The following CTNNA3 variants were observed in gnomAD, a reference collection of about 807,000 sequenced individuals.
CTNNA3 encodes the protein catenin alpha 3.
Under a neutral mutation model 95.7 loss-of-function variants are expected in CTNNA3, and 76 were observed. The ratio of observed to expected loss-of-function variants is 0.79; its 90% confidence interval spans 0.66 to 0.96. The LOEUF is 0.96. Ranked by LOEUF, CTNNA3 falls within the 40% of genes least tolerant of loss-of-function variation. The pLI is 0.00. For missense variants in CTNNA3, 1,191 were observed against 1,089.8 expected (o/e 1.09, Z -1.31); for synonymous variants, 431 against 374.4 (o/e 1.15, Z -1.74).
intron 12 of CTNNA3, among the ~76,000 whole-genome samples, chr10:66,318,914 A>AAT (rs919126711): frequency 6.1e-5 from 9 of 147,042 alleles, no homozygotes; most frequent in Non-Finnish European, 9.0e-5. Flanking sequence ...AGGTAGAAGT[A>AAT]TTTTTTTTTT....
intron 5 of CTNNA3, among the ~76,000 whole-genome samples, chr10:67,459,083 T>C (rs1221381734): frequency 6.6e-6 from 1 of 152,216 alleles, no homozygotes; most frequent in Non-Finnish European, 1.5e-5. Flanking sequence ...ACTATTAATA[T>C]ATGAATATTG....
chr10:66,039,823 A>G (rs1024915338), intron 15 of CTNNA3, among the ~76,000 whole-genome samples: 1 of 152,214 alleles, frequency 6.6e-6, no homozygotes, highest in Non-Finnish European at 1.5e-5. Context: ...TGAACGGGCA[A>G]AGATTTCATG....
chr10:66,392,729 C>T (rs1486366853), intron 11 of CTNNA3, among the ~76,000 whole-genome samples: 1 of 152,022 alleles, frequency 6.6e-6, no homozygotes, highest in East Asian at 1.9e-4. Context: ...ACTGATAACA[C>T]CAAACACTGG....
At position 67,590,792 on chromosome 10, in the gene CTNNA3, A is replaced by G. The variant is rs1407765576; in HGVS notation, c.292+16065T>C. Among the ~76,000 whole-genome samples, 40 of 152,044 alleles carry G rather than the reference A, an allele frequency of 2.6e-4. 1 individual carries two copies. The highest frequency in any genetic ancestry group is 2.6e-3 in the Admixed American group (40 of 15,252). ...TTGTTACAAATCCCTTGTTGGATTT[A>G]TACCAATATCTTTTCTCAGTGTATC... is the stretch of plus-strand genomic sequence containing the variant. On this transcript the variant is annotated intron_variant, in intron 3 of 17. Coordinates refer to ENST00000433211, the MANE Select transcript of CTNNA3 (RefSeq NM_013266.4).
chr10:66,308,123 C>A (rs188785778), intron 12 of CTNNA3, among the ~76,000 whole-genome samples: 98 of 152,224 alleles, frequency 6.4e-4, no homozygotes, highest in African/African-American at 2.2e-3. Flanking sequence ...TTTGCTATAA[C>A]CCTGCATTTT....
chr10:66,329,927 GAT>G (rs1413398617), intron 12 of CTNNA3, among the ~76,000 whole-genome samples: 3 of 151,964 alleles, frequency 2.0e-5, no homozygotes, highest in South Asian at 2.1e-4. Context: ...ACGTTCATAT[GAT>G]ATTGTGGAAT....
chr10:67,419,422 T>C (rs2132862734), intron 5 of CTNNA3, among the ~76,000 whole-genome samples: 1 of 152,294 alleles, frequency 6.6e-6, no homozygotes, highest in African/African-American at 2.4e-5. Context: ...TGTGGGAATA[T>C]TGCATGATGT....
intron 2 of CTNNA3, among the ~76,000 whole-genome samples, chr10:67,636,413 CA>C (rs1397464383): frequency 1.3e-5 from 2 of 152,150 alleles, no homozygotes; most frequent in African/African-American, 2.4e-5. Context: ...TACCCAAATT[CA>C]AACTATACTA....
chr10:67,017,052 A>C (rs1852703507), intron 7 of CTNNA3, among the ~76,000 whole-genome samples: 1 of 152,206 alleles, frequency 6.6e-6, no homozygotes, highest in Non-Finnish European at 1.5e-5. Context: ...AAAATTAATG[A>C]GCCAAGATCT....
chr10:67,507,121 T>C (rs1220426152), intron 5 of CTNNA3, among the ~76,000 whole-genome samples: 6 of 152,236 alleles, frequency 3.9e-5, no homozygotes, highest in Non-Finnish European at 7.3e-5. Context: ...TGAACTATTA[T>C]ATGGCAAGAA....
intron 7 of CTNNA3, among the ~76,000 whole-genome samples, chr10:67,061,955 A>C (rs1188950709): frequency 9.0e-6 from 1 of 111,362 alleles, no homozygotes; most frequent in Non-Finnish European, 1.9e-5. Context: ...TACTGTAAAA[A>C]AAATCAATCT....
At chr10:66,128,856 G>A (rs1443625922) in intron 13 of CTNNA3, among the ~76,000 whole-genome samples, 1 of 152,040 alleles carries the variant, frequency 6.6e-6, no homozygotes, top group African/African-American at 2.4e-5. Flanking sequence ...TTGATAACGG[G>A]AAAGGCTGTG....
intron 11 of CTNNA3, among the ~76,000 whole-genome samples, chr10:66,515,347 A>C (rs12766160): frequency 0.32 from 42,848 of 134,602 alleles, 6,496 homozygotes; most frequent in South Asian, 0.41. Context: ...CTCTCTCTCT[A>C]TATATATATA....
At chr10:66,896,816 G>A (rs1345867201) in intron 7 of CTNNA3, among the ~76,000 whole-genome samples, 4 of 152,056 alleles carry the variant, frequency 2.6e-5, no homozygotes, top group African/African-American at 9.7e-5. Context: ...CCTTTAACCT[G>A]GTTAACTTCT....
chr10:66,750,946 G>C (rs1001571034), intron 9 of CTNNA3, among the ~76,000 whole-genome samples: 4 of 152,136 alleles, frequency 2.6e-5, no homozygotes, highest in African/African-American at 9.7e-5. Context: ...TTTTGAGGGT[G>C]TTAAGGTGTA....
At chr10:66,679,456 C>A (rs902262436) in intron 9 of CTNNA3, among the ~76,000 whole-genome samples, 1 of 152,102 alleles carries the variant, frequency 6.6e-6, no homozygotes, top group Non-Finnish European at 1.5e-5. Context: ...ATGGAGAAGT[C>A]TGTTGGGAGG....
At chr10:67,445,646 T>C (rs916119475) in intron 5 of CTNNA3, among the ~76,000 whole-genome samples, 5 of 152,164 alleles carry the variant, frequency 3.3e-5, no homozygotes, top group African/African-American at 1.2e-4. Flanking sequence ...GGGAGACATA[T>C]TCTAAGCATA....
chr10:66,042,169 C>T (rs1419457106), intron 15 of CTNNA3, among the ~76,000 whole-genome samples: 1 of 152,188 alleles, frequency 6.6e-6, no homozygotes, highest in East Asian at 1.9e-4. Context: ...AGGTAGTAAA[C>T]ATCATCCAGG....
chr10:67,516,390 T>C (rs1186174242), intron 5 of CTNNA3, among the ~76,000 whole-genome samples: 1 of 152,168 alleles, frequency 6.6e-6, no homozygotes, highest in Non-Finnish European at 1.5e-5. Flanking sequence ...TTCTTCTCTA[T>C]ATGCTATAGT....
Sources: allele counts gnomAD v4.1 joint callset (sites outside exome capture counted in the v4.1 genomes callset), GRCh38; gene constraint gnomAD v4.1.1; transcripts MANE v1.5; gene names NCBI Gene and HGNC (gene_info 2026-07-23, HGNC 2026-07-21).